The following PLEKHA5 variants were observed in gnomAD, a reference collection of about 807,000 sequenced individuals.
The protein encoded by PLEKHA5 is pleckstrin homology domain containing A5.
In PLEKHA5, 55 loss-of-function variants were observed where a neutral mutation model predicts 181.9. The observed-to-expected ratio is 0.30, with a 90% CI of 0.24 to 0.38. The LOEUF (loss-of-function observed/expected upper bound fraction) is 0.38. Among genes scored for constraint, PLEKHA5 ranks in the 10% least tolerant of loss-of-function variants. The pLI is 1.00. For missense variants in PLEKHA5, 1,432 were observed against 1,549.5 expected, an observed-to-expected ratio of 0.92 and a Z score of 1.27; for synonymous variants, 535 against 529.4, an observed-to-expected ratio of 1.01 and a Z score of -0.15.
chr12:19,259,045 A>C (rs939040958), intron 6 of PLEKHA5, among the ~76,000 whole-genome samples: 8 of 152,102 alleles, frequency 5.3e-5, no homozygotes, highest in Admixed American at 5.2e-4. Context: ...AAGTATTACC[A>C]AGTAGCTTCT....
At chr12:19,246,065 A>G (rs1447196127) in intron 3 of PLEKHA5, among the ~76,000 whole-genome samples, 1 of 147,282 alleles carries the variant, frequency 6.8e-6, no homozygotes, top group African/African-American at 2.5e-5. Context: ...TGCACGCTCC[A>G]TCTCCCAGGT....
intron 3 of PLEKHA5, among the ~76,000 whole-genome samples, chr12:19,162,587 AG>A (rs2043215926): frequency 2.1e-5 from 3 of 144,684 alleles, no homozygotes; most frequent in South Asian, 4.4e-4. Context: ...AAAAAAAAAA[AG>A]AGTTGGGGGC....
At chr12:19,257,590 T>G in intron 6 of PLEKHA5, 53 bp downstream of exon 6, 1 of 918,052 alleles carries the variant, frequency 1.1e-6, no homozygotes, top group Non-Finnish European at 1.8e-6. Flanking sequence ...AGGAACCTTT[T>G]AAACTGAATG....
At position 19,359,565 on chromosome 12, in the gene PLEKHA5, G is replaced by T; in HGVS notation, c.3483+19G>T. 6.2e-7 allele frequency: 1 copy of T among 1,610,112 alleles called. No homozygotes were observed. The highest frequency in any genetic ancestry group is 1.1e-5 in the South Asian group (1 of 90,972). On this transcript the variant is annotated intron_variant, in intron 28 of 31. Transcript: ENST00000429027. Reference sequence around the variant, plus strand: ...CAAAGAGGTAGCGAGATTATTTTATGAAAGGTATTCCAAAGGAATAGATTT... The same window carrying T: ...CAAAGAGGTAGCGAGATTATTTTATTAAAGGTATTCCAAAGGAATAGATTT...
intron 3 of PLEKHA5, among the ~76,000 whole-genome samples, chr12:19,206,620 C>G (rs2055604583): frequency 6.6e-6 from 1 of 152,042 alleles, no homozygotes; most frequent in Non-Finnish European, 1.5e-5. Flanking sequence ...AGCTTAGTAC[C>G]TTCAAATGCC....
chr12:19,141,942 C>T (rs2151136563), intron 3 of PLEKHA5, among the ~76,000 whole-genome samples: 1 of 152,236 alleles, frequency 6.6e-6, no homozygotes, highest in South Asian at 2.1e-4. Flanking sequence ...GTTTTTGTTC[C>T]CTATCCCTTC....
chr12:19,199,086 A>G (rs1174209240), intron 3 of PLEKHA5, among the ~76,000 whole-genome samples: 1 of 152,190 alleles, frequency 6.6e-6, no homozygotes, highest in African/African-American at 2.4e-5. Context: ...TTATCACTGC[A>G]GTAAAAGTCA....
At chr12:19,206,929 T>C (rs1277766536) in intron 3 of PLEKHA5, among the ~76,000 whole-genome samples, 1 of 152,176 alleles carries the variant, frequency 6.6e-6, no homozygotes, top group African/African-American at 2.4e-5. Flanking sequence ...TTATAGTTTC[T>C]AAAGCAATAA....
intron 3 of PLEKHA5, among the ~76,000 whole-genome samples, chr12:19,135,880 T>C (rs1027762872): frequency 6.7e-6 from 1 of 150,174 alleles, no homozygotes; most frequent in Non-Finnish European, 1.5e-5. Flanking sequence ...AATCTTACTT[T>C]GTTTTTTTTT....
chr12:19,139,553 C>T (rs1565857550), intron 3 of PLEKHA5, among the ~76,000 whole-genome samples: 2 of 152,130 alleles, frequency 1.3e-5, no homozygotes. Flanking sequence ...GTGCCAAGTG[C>T]TTTAAGCTTT....
chr12:19,236,258 G>A (rs539081261), intron 3 of PLEKHA5, among the ~76,000 whole-genome samples: 3 of 152,280 alleles, frequency 2.0e-5, no homozygotes, highest in South Asian at 4.1e-4. Context: ...TCTGGGCAGC[G>A]CAGGCACTCT....
intron 16 of PLEKHA5, among the ~76,000 whole-genome samples, chr12:19,317,358 T>C (rs914469850): frequency 4.1e-5 from 6 of 146,430 alleles, no homozygotes; most frequent in African/African-American, 7.5e-5. Flanking sequence ...TACTATCTCT[T>C]TTTTTTTTTT....
intron 7 of PLEKHA5, among the ~76,000 whole-genome samples, chr12:19,262,382 C>G (rs891305795): frequency 6.6e-6 from 1 of 151,946 alleles, no homozygotes. Flanking sequence ...TACAGGCACG[C>G]GCCACCACAC....
chr12:19,354,105 C>A, intron 26 of PLEKHA5, 103 bp downstream of exon 26: 3 of 270,756 alleles, frequency 1.1e-5, no homozygotes, highest in Non-Finnish European at 7.5e-6. Flanking sequence ...TTTTTGCATA[C>A]TCAAAGAAAA....
chr12:19,238,095 A>G (rs779113203), intron 3 of PLEKHA5, among the ~76,000 whole-genome samples: 2 of 152,074 alleles, frequency 1.3e-5, no homozygotes, highest in African/African-American at 4.8e-5. Flanking sequence ...TTCTTAAAGA[A>G]TAAAAAAAGA....
intron 25 of PLEKHA5, among the ~76,000 whole-genome samples, chr12:19,349,853 C>T (rs2087738): frequency 0.67 from 101,224 of 152,006 alleles, 37,675 homozygotes; most frequent in Non-Finnish European, 0.86. Context: ...TGGCTCACTC[C>T]TGTAATCCCA....
Position 19,283,467 on chromosome 12 carries a change from A to G in PLEKHA5, c.1501A>G (p.Met501Val), listed in dbSNP as rs376374589. 1.4e-5 allele frequency: 22 copies of G among 1,614,188 alleles called. No individual in the cohort carries two copies. The highest frequency in any genetic ancestry group is 7.7e-5 in the South Asian group (7 of 91,078). ...CGGAGCGGAGGAGAAACGGAGGTCC[A>G]TGAGAGATGACACAATGTGGCAGCT... ...GPGAEEKRRS[M>V]RDDTMWQLYE... The change falls in exon 12 of 32, where the codon ATG (methionine) becomes GTG (valine). Residue 501 changes from methionine to valine, a missense_variant. This residue lies in a region of PLEKHA5 where 1,143 missense variants were observed against 1,168.4 expected (regional missense o/e 0.98). Coordinates refer to ENST00000429027, the MANE Select transcript of PLEKHA5 (RefSeq NM_001256470.2).
intron 15 of PLEKHA5, among the ~76,000 whole-genome samples, chr12:19,298,558 A>G (rs367595413): frequency 2.0e-5 from 3 of 151,184 alleles, no homozygotes; most frequent in African/African-American, 7.3e-5. Flanking sequence ...TAGTAGAGAT[A>G]GGGTTTCACC....
chr12:19,205,740 G>A (rs1005056583), intron 3 of PLEKHA5, among the ~76,000 whole-genome samples: 7 of 151,934 alleles, frequency 4.6e-5, no homozygotes, highest in African/African-American at 9.7e-5. Flanking sequence ...ATTATGTGCC[G>A]AGATACTTCA....
Sources: gnomAD v4.1 joint callset for allele counts (sites outside exome capture counted in the v4.1 genomes callset) on GRCh38, gnomAD v4.1.1 for gene constraint, gnomAD v4.1.1 regional missense constraint, MANE v1.5 for transcripts, NCBI Gene and HGNC (gene_info 2026-07-23, HGNC 2026-07-21) for gene names.